TSPEAR: variants seen among roughly 807,000 people sequenced by gnomAD.
The protein encoded by TSPEAR is thrombospondin-type laminin G domain and EAR repeat-containing protein.
Under a neutral mutation model 71.6 loss-of-function variants are expected in TSPEAR, and 69 were observed. That is an observed-to-expected ratio of 0.96 (90% CI 0.79 to 1.18). The LOEUF (loss-of-function observed/expected upper bound fraction) is 1.18. Ranked by LOEUF, TSPEAR falls within the 50% of genes most tolerant of loss-of-function variation. The pLI, the probability that TSPEAR is intolerant of heterozygous loss-of-function variation, is 0.00. For missense variants in TSPEAR, 971 were observed against 894.9 expected, an observed-to-expected ratio of 1.09 and a Z score of -1.09; for synonymous variants, 402 against 387.2, an observed-to-expected ratio of 1.04 and a Z score of -0.45.
chr21:44,574,878 T>C (rs1448382936), intron 1 of TSPEAR: 15 of 1,612,858 alleles, frequency 9.3e-6, no homozygotes, highest in Non-Finnish European at 1.3e-5. Flanking sequence ...GCCCGCCTGC[T>C]GCGTGCCCGT....
intron 1 of TSPEAR, among the ~76,000 whole-genome samples, chr21:44,631,336 A>T (rs1167554214): frequency 6.6e-6 from 1 of 152,206 alleles, no homozygotes; most frequent in Non-Finnish European, 1.5e-5. Context: ...TCACTAGAGA[A>T]GTCCCACAGC....
intron 1 of TSPEAR, among the ~76,000 whole-genome samples, chr21:44,633,337 C>A (rs1983362606): frequency 2.0e-5 from 3 of 152,104 alleles, no homozygotes; most frequent in Non-Finnish European, 1.5e-5. Flanking sequence ...GAATTGAGAT[C>A]TTTCTTGTTT....
In TSPEAR at chr21:44,499,606, G is replaced by A. The variant is rs1555910865; in HGVS notation, c.*177C>T. ...GGGCTGTGGCTCAGAAGGACTCAGA[G>A]GTGGATGGATGTCCCTGCCCGAACC... On this transcript the variant is annotated 3_prime_UTR_variant, in exon 12 of 12. Transcript: ENST00000323084. 2 of 605,882 alleles carry A rather than the reference G, an allele frequency of 3.3e-6. No homozygotes were observed. Among genetic ancestry groups the A allele is most frequent in the African/African-American group, 2.0e-5 (1 of 50,954 alleles). 37.5% of individuals were successfully genotyped at this position (605,882 alleles called of 1,614,324 possible).
chr21:44,654,134 T>C lies in TSPEAR; in HGVS notation c.82+57299A>G, dbSNP rs890895887. ...CATGGCCTCACCGGCTGGGATCTAG[T>C]GACGGTGCCGCAAAGGAGGCAGGCG... On this transcript the variant is annotated intron_variant, in intron 1 of 11. Coordinates refer to ENST00000323084, the MANE Select transcript of TSPEAR (RefSeq NM_144991.3). 69 of 670,056 alleles carry C rather than the reference T, an allele frequency of 1.0e-4. No individual in the cohort carries two copies. In the Admixed American group the frequency reaches 1.8e-3, roughly 17 times the overall value. 41.5% of individuals were successfully genotyped at this position (670,056 alleles called of 1,614,324 possible).
chr21:44,700,851 C>A (rs1290061037), intron 1 of TSPEAR, among the ~76,000 whole-genome samples: 1 of 152,204 alleles, frequency 6.6e-6, no homozygotes, highest in Non-Finnish European at 1.5e-5. Context: ...GTAATCCTCA[C>A]GTGGCCTTGT....
chr21:44,676,584 T>C, intron 1 of TSPEAR: 1 of 723,104 alleles, frequency 1.4e-6, no homozygotes, highest in Non-Finnish European at 2.6e-6. Context: ...GTAATTCTTG[T>C]TCCGAGAGTT....
At chr21:44,683,944 A>G (rs1555948541) in intron 1 of TSPEAR, among the ~76,000 whole-genome samples, 3 of 152,356 alleles carry the variant, frequency 2.0e-5, no homozygotes, top group South Asian at 2.1e-4. Flanking sequence ...GAAATTTTAA[A>G]TACACCAAAT....
chr21:44,531,386 G>C (rs782185788), intron 3 of TSPEAR, among the ~76,000 whole-genome samples: 18 of 152,318 alleles, frequency 1.2e-4, no homozygotes, highest in African/African-American at 3.6e-4. Context: ...GTGGCTGCAC[G>C]TGCTCCCCGT....
At chr21:44,534,229 TGTGAGGGGGCGGGGCTG>T (rs1307869945) in intron 2 of TSPEAR, among the ~76,000 whole-genome samples, 1 of 4,844 alleles carries the variant, frequency 2.1e-4, no homozygotes, top group African/African-American at 1.3e-3. Flanking sequence ...GGGGCTGGTG[TGTGAGGGGGCGGGGCTG>T]GTGTGGGGCG....
chr21:44,654,263 G>A, intron 1 of TSPEAR: 9 of 1,610,844 alleles, frequency 5.6e-6, no homozygotes, highest in Non-Finnish European at 6.8e-6. Context: ...GAGGGTCATA[G>A]GAGGCCACCT....
At chr21:44,619,183 A>G (rs1982294545) in intron 1 of TSPEAR, among the ~76,000 whole-genome samples, 1 of 152,266 alleles carries the variant, frequency 6.6e-6, no homozygotes, top group African/African-American at 2.4e-5. Flanking sequence ...TACAGAGCCC[A>G]GCTACAAACC....
At chr21:44,571,118 T>C (rs2053789185) in intron 1 of TSPEAR, among the ~76,000 whole-genome samples, 1 of 152,244 alleles carries the variant, frequency 6.6e-6, no homozygotes, top group African/African-American at 2.4e-5. Flanking sequence ...ATGAAGGCAG[T>C]GTTACCAAAC....
chr21:44,580,485 C>T lies in TSPEAR; in HGVS notation c.83-12480G>A, dbSNP rs782057050. On this transcript the variant is annotated intron_variant, in intron 1 of 11. Transcript: ENST00000323084. ...ACCAGGGTCAGGCAGGGGGCGGTGC[C>T]GCAGGGGGGCTCACAGCAGCTCTCT... 72 of 1,613,034 alleles carry T rather than the reference C, an allele frequency of 4.5e-5. No individual in the cohort carries two copies. The highest frequency in any genetic ancestry group is 3.6e-4 in the Middle Eastern group (2 of 5,562).
At chr21:44,700,190 AG>A (rs1193194892) in intron 1 of TSPEAR, among the ~76,000 whole-genome samples, 3 of 152,238 alleles carry the variant, frequency 2.0e-5, no homozygotes, top group Non-Finnish European at 4.4e-5. Flanking sequence ...GGAGAAAGAT[AG>A]GAAGAACTTG....
At chr21:44,654,462 C>A in intron 1 of TSPEAR, 2 of 1,613,966 alleles carry the variant, frequency 1.2e-6, no homozygotes, top group Non-Finnish European at 1.7e-6. Flanking sequence ...AGGTGGATAC[C>A]CCACACAGGG....
chr21:44,500,279 C>A (rs1251293175), intron 11 of TSPEAR, among the ~76,000 whole-genome samples: 1 of 152,208 alleles, frequency 6.6e-6, no homozygotes, highest in East Asian at 1.9e-4. Flanking sequence ...CCAGGGCCCC[C>A]CTCAAACACA....
intron 1 of TSPEAR, chr21:44,697,918 A>G (rs782350307): frequency 1.2e-6 from 2 of 1,611,770 alleles, no homozygotes; most frequent in Non-Finnish European, 1.7e-6. Context: ...GCCGCCCCAC[A>G]TGTTCCCGCC....
intron 1 of TSPEAR, among the ~76,000 whole-genome samples, chr21:44,663,854 A>T (rs917484209): frequency 9.2e-5 from 14 of 152,256 alleles, no homozygotes; most frequent in African/African-American, 3.4e-4. Flanking sequence ...CAGACTAAAG[A>T]GGAAGCACCA....
Position 44,696,623 on chromosome 21 carries a change from T to C in TSPEAR, c.82+14810A>G, listed in dbSNP as rs1361432962. The stretch of plus-strand genomic sequence containing the variant: ...CCCAAGCCATTCATTGGTCTACGGA[T>C]TCAAGATAAAGAGAATATAAAACAA... On this transcript the variant is annotated intron_variant, in intron 1 of 11. Coordinates refer to ENST00000323084, the MANE Select transcript of TSPEAR (RefSeq NM_144991.3). Among the ~76,000 whole-genome samples the C allele has an allele frequency of 2.6e-4, 39 of 152,190 alleles. 1 individual carries two copies. Among genetic ancestry groups the C allele is most frequent in the Admixed American group, 2.4e-3 (37 of 15,288 alleles).
Sources: gnomAD v4.1 joint callset for allele counts (sites outside exome capture counted in the v4.1 genomes callset) on GRCh38, gnomAD v4.1.1 for gene constraint, MANE v1.5 for transcripts, NCBI Gene and HGNC (gene_info 2026-07-23, HGNC 2026-07-21) for gene names.